PCDH11X: variants seen among roughly 807,000 people sequenced by gnomAD.
PCDH11X encodes the protein protocadherin 11 X-linked, also known as protocadherin-11 X-linked.
A neutral mutation model predicts 53.3 loss-of-function variants in PCDH11X; 18 were observed. The ratio of observed to expected loss-of-function variants is 0.34; its 90% CI spans 0.23 to 0.50. PCDH11X has a LOEUF of 0.50. Ranked by LOEUF, PCDH11X falls within the 20% of genes least tolerant of loss-of-function variation. The probability of loss-of-function intolerance (pLI) is 0.98; values close to 1 mark genes in which losing one functional copy is unlikely to be tolerated. For missense variants in PCDH11X, 570 were observed against 1,032.4 expected (o/e 0.55, Z 6.14); for synonymous variants, 279 against 393.3 (o/e 0.71, Z 3.44).
intron 10 of PCDH11X, among the ~76,000 whole-genome samples, chrX:92,501,030 A>G (rs1449944141): frequency 9.0e-6 from 1 of 110,834 alleles, no homozygotes; most frequent in Non-Finnish European, 1.9e-5. Context: ...ACAATCAGAA[A>G]TGATAAGGGG....
intron 5 of PCDH11X, among the ~76,000 whole-genome samples, chrX:91,876,032 G>A (rs1195058769): frequency 9.0e-6 from 1 of 111,472 alleles, no homozygotes; most frequent in Non-Finnish European, 1.9e-5. Flanking sequence ...TGGATAATTC[G>A]CTTACAGCTT....
At chrX:92,082,358 T>G (rs760676658) in intron 6 of PCDH11X, among the ~76,000 whole-genome samples, 1 of 108,919 alleles carries the variant, frequency 9.2e-6, no homozygotes, top group East Asian at 2.9e-4. Flanking sequence ...ACATAACTAG[T>G]AAATTGCTGA....
At chrX:92,588,372 G>GTATA (rs35507950) in intron 10 of PCDH11X, among the ~76,000 whole-genome samples, 2,704 of 97,691 alleles carry the variant, frequency 0.028, 107 homozygotes, top group African/African-American at 0.094. Flanking sequence ...GTGTGTGTGT[G>GTATA]TATATATATA....
chrX:91,937,657 A>T (rs1339677141), intron 6 of PCDH11X, among the ~76,000 whole-genome samples: 2 of 110,649 alleles, frequency 1.8e-5, no homozygotes, highest in African/African-American at 6.5e-5. Context: ...GAGTGATTAG[A>T]TTTATTAACT....
At chrX:92,259,869 G>A (rs2067677346) in intron 7 of PCDH11X, among the ~76,000 whole-genome samples, 1 of 111,191 alleles carries the variant, frequency 9.0e-6, no homozygotes, top group Non-Finnish European at 1.9e-5. Context: ...TATTTCCCAA[G>A]GTGTGTCTAG....
chrX:91,864,209 T>C (rs1276146638), intron 5 of PCDH11X, among the ~76,000 whole-genome samples: 1 of 111,056 alleles, frequency 9.0e-6, no homozygotes, highest in African/African-American at 3.3e-5. Context: ...AGCTTTTGTC[T>C]GGGGAAATAT....
chrX:91,833,147 A>G (rs747608788), intron 4 of PCDH11X, among the ~76,000 whole-genome samples: 1 of 103,677 alleles, frequency 9.6e-6, no homozygotes, highest in South Asian at 4.7e-4. Context: ...AGTTGTAATA[A>G]TGTGTAATAC....
At chrX:91,873,728 G>T (rs1015701222) in intron 5 of PCDH11X, among the ~76,000 whole-genome samples, 2 of 111,193 alleles carry the variant, frequency 1.8e-5, no homozygotes, top group Non-Finnish European at 3.8e-5. Context: ...TTACATATTC[G>T]TTTTCCCAGA....
At chrX:92,185,336 T>G (rs182191337) in intron 6 of PCDH11X, among the ~76,000 whole-genome samples, 1 of 111,441 alleles carries the variant, frequency 9.0e-6, no homozygotes, top group East Asian at 2.8e-4. Context: ...TAGACTCATA[T>G]CTCGCCATAT....
At chrX:92,271,926 A>T (rs2067969299) in intron 8 of PCDH11X, among the ~76,000 whole-genome samples, 1 of 112,422 alleles carries the variant, frequency 8.9e-6, no homozygotes, top group Admixed American at 9.5e-5. Context: ...TAAAGACTAG[A>T]ACAAGTATTT....
intron 9 of PCDH11X, among the ~76,000 whole-genome samples, chrX:92,390,326 C>A (rs2071100618): frequency 9.3e-6 from 1 of 107,779 alleles, no homozygotes; most frequent in Non-Finnish European, 1.9e-5. Flanking sequence ...AAATGAAGCT[C>A]CATTGTCTTA....
intron 6 of PCDH11X, among the ~76,000 whole-genome samples, chrX:92,164,454 C>G (rs2065697090): frequency 8.9e-6 from 1 of 112,056 alleles, no homozygotes; most frequent in South Asian, 3.6e-4. Flanking sequence ...TATATTGTTT[C>G]ACTAGAAATG....
At chrX:92,317,426 ATC>A (rs1217054284) in intron 8 of PCDH11X, among the ~76,000 whole-genome samples, 1 of 110,960 alleles carries the variant, frequency 9.0e-6, no homozygotes. Context: ...ATTATTTTTA[ATC>A]TCTTTCTCTA....
intron 5 of PCDH11X, among the ~76,000 whole-genome samples, chrX:91,859,727 T>C (rs1371377422): frequency 2.2e-5 from 2 of 91,569 alleles, no homozygotes; most frequent in African/African-American, 9.4e-5. Context: ...CCTTTCCCCA[T>C]TGCTTGTTTT....
intron 10 of PCDH11X, among the ~76,000 whole-genome samples, chrX:92,533,794 C>A (rs975111760): frequency 3.9e-5 from 4 of 102,448 alleles, no homozygotes; most frequent in African/African-American, 1.4e-4. Context: ...CACCAACAGA[C>A]CTGCAGCTGA....
chrX:92,379,712 C>A (rs1188480346), intron 8 of PCDH11X, among the ~76,000 whole-genome samples: 1 of 109,392 alleles, frequency 9.1e-6, no homozygotes, highest in Non-Finnish European at 1.9e-5. Flanking sequence ...GTCCATGGAC[C>A]AATCAGCATG....
At chrX:92,388,249 T>C (rs1177168773) in intron 9 of PCDH11X, among the ~76,000 whole-genome samples, 1 of 111,776 alleles carries the variant, frequency 8.9e-6, no homozygotes. Context: ...TATTCATTTA[T>C]TTGTGAAGGT....
rs1374597436 is a variant in PCDH11X at position 91,924,349 on chromosome X, G to T, written c.3033+45076G>T. Among the ~76,000 whole-genome samples, 3 of 111,089 alleles carry T rather than the reference G, an allele frequency of 2.7e-5. No homozygotes were observed. In the Admixed American group the frequency reaches 2.9e-4, roughly 11 times the overall value. On this transcript the variant is annotated intron_variant, in intron 6 of 10. Coordinates refer to ENST00000682573, the MANE Select transcript of PCDH11X (RefSeq NM_032968.5). ...AAAAGGGCTGTAATCCAAGGAATGTGAGTAGTCTCTAGAAACTGGAAATGG... is the reference window on the plus strand; with the variant it reads ...AAAAGGGCTGTAATCCAAGGAATGTTAGTAGTCTCTAGAAACTGGAAATGG...
intron 10 of PCDH11X, among the ~76,000 whole-genome samples, chrX:92,471,826 T>C (rs1357646885): frequency 9.4e-6 from 1 of 106,499 alleles, no homozygotes; most frequent in African/African-American, 3.4e-5. Context: ...TAGTATCTCA[T>C]TGTGGATTTG....
Sources: gnomAD v4.1 joint callset for allele counts (sites outside exome capture counted in the v4.1 genomes callset) on GRCh38, gnomAD v4.1.1 for gene constraint, MANE v1.5 for transcripts, NCBI Gene and HGNC (gene_info 2026-07-23, HGNC 2026-07-21) for gene names.